PTPRZ1: variants seen among roughly 807,000 people sequenced by gnomAD.
PTPRZ1 encodes the protein protein tyrosine phosphatase receptor type Z1.
Under a neutral mutation model 214.1 loss-of-function variants are expected in PTPRZ1, and 82 were observed. That is an observed-to-expected ratio of 0.38 (90% confidence interval 0.32 to 0.46). The LOEUF is 0.46. Among genes scored for constraint, PTPRZ1 ranks in the 20% least tolerant of loss-of-function variants. PTPRZ1 has a pLI of 1.00. For missense variants in PTPRZ1, 2,603 were observed against 2,748.7 expected (o/e 0.95, Z 1.19); for synonymous variants, 945 against 987.9 (o/e 0.96, Z 0.81).
intron 21 of PTPRZ1, 30 bp downstream of exon 21, chr7:122,041,009 A>G: frequency 7.0e-7 from 1 of 1,434,838 alleles, no homozygotes; most frequent in Non-Finnish European, 9.2e-7. Context: ...CTCTAAACCC[A>G]TAGAATTGCT....
At chr7:121,982,115 G>T (rs1282340806) in intron 6 of PTPRZ1, among the ~76,000 whole-genome samples, 1 of 152,050 alleles carries the variant, frequency 6.6e-6, no homozygotes, top group Non-Finnish European at 1.5e-5. Context: ...TTTCCATGAG[G>T]ATATTCAATT....
chr7:121,952,073 C>T (rs1368083082), intron 2 of PTPRZ1, among the ~76,000 whole-genome samples: 3 of 151,956 alleles, frequency 2.0e-5, no homozygotes, highest in African/African-American at 7.3e-5. Flanking sequence ...ATTCTCCTGC[C>T]TCAGCCTCCC....
rs1313679905 is a variant in PTPRZ1, at chr7:122,061,864, T to C, written c.*644T>C. On this transcript the variant is annotated 3_prime_UTR_variant, in exon 30 of 30. Transcript: ENST00000393386. ...TTACTCTACCAGTTTTCTGACATTGTATTGTGTTACCTAAGTCATTAACTT... is the reference window on the plus strand; with the variant it reads ...TTACTCTACCAGTTTTCTGACATTGCATTGTGTTACCTAAGTCATTAACTT... 1.3e-5 allele frequency: 2 copies of C among 152,638 alleles called. No homozygotes were observed. Among genetic ancestry groups the C allele is most frequent in the African/African-American group, 4.8e-5 (2 of 41,458 alleles). The allele number at this position is 152,638 out of a possible 1,614,324, so 9.5% of individuals were successfully genotyped here.
intron 1 of PTPRZ1, among the ~76,000 whole-genome samples, chr7:121,905,644 A>G (rs947307935): frequency 7.2e-5 from 4 of 55,692 alleles, no homozygotes; most frequent in African/African-American, 3.1e-4. Context: ...TCTGGGTTCT[A>G]TTCTTTACAC....
intron 1 of PTPRZ1, among the ~76,000 whole-genome samples, chr7:121,895,301 G>C (rs2116234549): frequency 6.6e-6 from 1 of 152,224 alleles, no homozygotes; most frequent in Admixed American, 6.5e-5. Flanking sequence ...AGTCTTGCAG[G>C]TGTAGGATAA....
At chr7:121,899,403 A>T (rs1414590623) in intron 1 of PTPRZ1, among the ~76,000 whole-genome samples, 1 of 152,212 alleles carries the variant, frequency 6.6e-6, no homozygotes, top group African/African-American at 2.4e-5. Flanking sequence ...TTTATATGTA[A>T]CATAAAATAT....
chr7:121,941,055 T>A (rs1484753368), intron 2 of PTPRZ1, among the ~76,000 whole-genome samples: 1 of 152,188 alleles, frequency 6.6e-6, no homozygotes, highest in Non-Finnish European at 1.5e-5. Context: ...TCATACACTG[T>A]CCCTGTCCCT....
intron 13 of PTPRZ1, 92 bp downstream of exon 13, chr7:122,019,360 T>G: frequency 7.7e-7 from 1 of 1,304,930 alleles, no homozygotes; most frequent in South Asian, 1.3e-5. Context: ...ATATTCAAAA[T>G]GTATTTTACC....
At chr7:121,932,625 A>G (rs1453358872) in intron 2 of PTPRZ1, among the ~76,000 whole-genome samples, 2 of 152,202 alleles carry the variant, frequency 1.3e-5, no homozygotes, top group Non-Finnish European at 2.9e-5. Flanking sequence ...ATAGGATTCT[A>G]TTAATAAAAA....
intron 8 of PTPRZ1, among the ~76,000 whole-genome samples, chr7:121,991,408 A>G (rs754895893): frequency 1.3e-5 from 2 of 152,228 alleles, no homozygotes; most frequent in Admixed American, 1.3e-4. Flanking sequence ...ATTTAATACA[A>G]ACTTAAAAAA....
At chr7:121,891,408 A>C (rs1794605790) in intron 1 of PTPRZ1, among the ~76,000 whole-genome samples, 1 of 129,902 alleles carries the variant, frequency 7.7e-6, no homozygotes, top group Admixed American at 8.0e-5. Context: ...AATGCCTGGT[A>C]TATGATAGGT....
At chr7:121,931,256 G>C (rs978707988) in intron 2 of PTPRZ1, among the ~76,000 whole-genome samples, 1 of 152,012 alleles carries the variant, frequency 6.6e-6, no homozygotes, top group Non-Finnish European at 1.5e-5. Context: ...CTTTAAAAAC[G>C]TGATACATAG....
At chr7:121,945,107 C>T (rs1199346825) in intron 2 of PTPRZ1, among the ~76,000 whole-genome samples, 1 of 152,124 alleles carries the variant, frequency 6.6e-6, no homozygotes, top group Non-Finnish European at 1.5e-5. Context: ...ATGGTAGAGC[C>T]TGCATTTGTT....
Position 122,051,472 on chromosome 7 carries a change from C to G in PTPRZ1, c.6129C>G (p.Ala2043=). The G allele has an allele frequency of 6.2e-7, 1 of 1,613,500 alleles. No individual in the cohort carries two copies. Among genetic ancestry groups the G allele is most frequent in the South Asian group, 1.1e-5 (1 of 91,062 alleles). Residue 2043 remains alanine (A), a synonymous_variant, in exon 24 of 30, where the codon GCC becomes GCG. Coordinates refer to ENST00000393386, the MANE Select transcript of PTPRZ1 (RefSeq NM_002851.3). The part of the protein sequence containing the change: ...SNIQQSDYSA[A]LKQCNREKNR... ...TACAGCAGAGTGACTATTCTGCAGC[C>G]CTAAAGCAATGCAACAGGGAAAAGA...
intron 8 of PTPRZ1, among the ~76,000 whole-genome samples, chr7:121,986,191 A>C (rs1797758654): frequency 6.6e-6 from 1 of 152,206 alleles, no homozygotes; most frequent in Non-Finnish European, 1.5e-5. Flanking sequence ...GAACCAGACA[A>C]TATTTGACGT....
At chr7:121,960,247 G>C (rs985856763) in intron 2 of PTPRZ1, among the ~76,000 whole-genome samples, 5 of 152,064 alleles carry the variant, frequency 3.3e-5, no homozygotes, top group Non-Finnish European at 7.4e-5. Context: ...CACTATGTTG[G>C]CCAGGCTCGT....
chr7:121,915,412 G>A (rs1795396965), intron 1 of PTPRZ1, among the ~76,000 whole-genome samples: 1 of 152,152 alleles, frequency 6.6e-6, no homozygotes, highest in Admixed American at 6.5e-5. Flanking sequence ...TAAATAGTAT[G>A]TGAAGCAAGA....
intron 1 of PTPRZ1, among the ~76,000 whole-genome samples, chr7:121,891,918 A>G (rs956420092): frequency 6.6e-6 from 1 of 152,130 alleles, no homozygotes; most frequent in Non-Finnish European, 1.5e-5. Context: ...ACCCACCACC[A>G]GCAGCTTTCT....
chr7:121,957,715 A>G (rs1193077551), intron 2 of PTPRZ1, among the ~76,000 whole-genome samples: 1 of 152,192 alleles, frequency 6.6e-6, no homozygotes, highest in Non-Finnish European at 1.5e-5. Flanking sequence ...TTTTACAGAT[A>G]AGGTAACTGA....
Sources: gnomAD v4.1 joint callset for allele counts (sites outside exome capture counted in the v4.1 genomes callset) on GRCh38, gnomAD v4.1.1 for gene constraint, MANE v1.5 for transcripts, NCBI Gene and HGNC (gene_info 2026-07-23, HGNC 2026-07-21) for gene names.